KIF20B: variants seen among roughly 807,000 people sequenced by gnomAD.
The protein encoded by KIF20B is kinesin family member 20B, also known as kinesin-like protein KIF20B.
In KIF20B, 188 loss-of-function variants were observed where a neutral mutation model predicts 232.5. The ratio of observed to expected loss-of-function variants is 0.81; its 90% CI spans 0.72 to 0.91. The LOEUF is 0.91. Among genes scored for constraint, KIF20B ranks in the 40% least tolerant of loss-of-function variants. The pLI, the probability that KIF20B is intolerant of heterozygous loss-of-function variation, is 0.00. For synonymous variants in KIF20B, 712 were observed against 683.0 expected, an observed-to-expected ratio of 1.04 and a Z score of -0.66; for missense variants, 2,154 against 2,055.9, an observed-to-expected ratio of 1.05 and a Z score of -0.92.
At chr10:89,768,535 A>G (rs1842407646) in intron 30 of KIF20B, 144 bp downstream of exon 30, 2 of 713,642 alleles carry the variant, frequency 2.8e-6, no homozygotes, top group African/African-American at 3.6e-5. Flanking sequence ...CATCTACTTT[A>G]TGTGTTTACT....
chr10:89,745,938 C>G lies in KIF20B; in HGVS notation c.4075C>G (p.Gln1359Glu). The G allele has an allele frequency of 1.2e-6, 2 of 1,610,986 alleles. No individual in the cohort carries two copies. Among genetic ancestry groups the G allele is most frequent in the Non-Finnish European group, 1.7e-6 (2 of 1,177,178 alleles). ...TCAGAAAGTGGAAGAAGCTATACAA[C>G]AGTATGAGAGAGCATGCAAAGGTCA... Reference protein sequence around the residue: ...NNQKVEEAIQQYERACKDLNV... With the variant: ...NNQKVEEAIQEYERACKDLNV... The change falls in exon 23 of 33, where the codon CAG becomes GAG. Residue 1359 changes from glutamine (Q) to glutamate (E), a missense_variant. Gln to Glu is a conservative substitution (Grantham distance 29). Transcript: ENST00000371728.
At chr10:89,738,751 T>C (rs1347470458) in intron 20 of KIF20B, 134 bp downstream of exon 20, 16 of 1,237,330 alleles carry the variant, frequency 1.3e-5, no homozygotes, top group South Asian at 3.4e-5. Context: ...ACTTGAACTT[T>C]GTCCATATAA....
At chr10:89,741,630 C>T (rs963538629) in intron 21 of KIF20B, among the ~76,000 whole-genome samples, 3 of 152,100 alleles carry the variant, frequency 2.0e-5, no homozygotes, top group Non-Finnish European at 1.5e-5. Flanking sequence ...GATAAGAAAA[C>T]AGACATTGAG....
chr10:89,755,456 TCCCTC>T (rs1225540396), intron 26 of KIF20B, among the ~76,000 whole-genome samples: 10 of 101,718 alleles, frequency 9.8e-5, no homozygotes, highest in Admixed American at 2.5e-4. Context: ...CCCCTTTCCT[TCCCTC>T]CCCTCCCCTC....
Position 89,717,471 on chromosome 10 carries a change from T to C in KIF20B, c.1100T>C (p.Met367Thr). Reference protein sequence around the residue: ...VKILQIEDSEMSRVIRVSELS... With the variant: ...VKILQIEDSETSRVIRVSELS... ...ATATTACAGATTGAAGATTCTGAAA[T>C]GTCTCGTGTAATTCGAGTCAGTGAG... Residue 367 changes from methionine to threonine, a missense_variant, in exon 10 of 33, where the codon ATG becomes ACG. Met to Thr is a moderately conservative substitution (Grantham distance 81, BLOSUM62 -1). Coordinates refer to ENST00000371728, the MANE Select transcript of KIF20B (RefSeq NM_001284259.2). 1.3e-6 allele frequency: 2 copies of C among 1,598,524 alleles called. No individual in the cohort carries two copies. Among genetic ancestry groups the C allele is most frequent in the Middle Eastern group, 3.7e-4 (2 of 5,334 alleles).
intron 2 of KIF20B, among the ~76,000 whole-genome samples, chr10:89,707,496 T>G (rs1214085243): frequency 2.0e-5 from 3 of 148,096 alleles, no homozygotes; most frequent in Non-Finnish European, 4.4e-5. Flanking sequence ...TCATTTCCTT[T>G]TTTTCTTTCC....
Position 89,752,674 on chromosome 10 carries a change from C to T in KIF20B, c.4330C>T (p.Leu1444Phe). Residue 1444 changes from leucine (L) to phenylalanine (F), a missense_variant, in exon 25 of 33, where the codon CTT becomes TTT. By Grantham distance (22) the Leu-to-Phe change is conservative (BLOSUM62 0). Transcript: ENST00000371728. ...NTDVLGKLTN[L>F]QDELQESEQK... is the part of the protein sequence containing the mutation. ...AGATGTGCTTGGAAAGCTCACTAAT[C>T]TTCAAGATGAGTTACAGGTATGACT... 1 of 1,576,198 alleles carries T rather than the reference C, an allele frequency of 6.3e-7. No individual in the cohort carries two copies. Among genetic ancestry groups the T allele is most frequent in the Middle Eastern group, 1.7e-4 (1 of 5,928 alleles).
intron 21 of KIF20B, among the ~76,000 whole-genome samples, chr10:89,739,918 C>G (rs1327808171): frequency 1.3e-5 from 2 of 152,132 alleles, no homozygotes; most frequent in Admixed American, 1.3e-4. Flanking sequence ...ATTTTCACCT[C>G]TGTATAGTAT....
intron 19 of KIF20B, among the ~76,000 whole-genome samples, chr10:89,734,989 A>C (rs1049986603): frequency 6.6e-6 from 1 of 152,208 alleles, no homozygotes; most frequent in Non-Finnish European, 1.5e-5. Context: ...CCAAATCACT[A>C]TCTTTGGTAT....
chr10:89,773,628 C>G (rs533311827), intron 32 of KIF20B, among the ~76,000 whole-genome samples: 25 of 151,920 alleles, frequency 1.6e-4, no homozygotes, highest in Non-Finnish European at 3.5e-4. Context: ...TTTCTACTTT[C>G]TAAGTTATAC....
chr10:89,724,412 A>T lies in KIF20B; in HGVS notation c.1862+309A>T, dbSNP rs551230293. Among the ~76,000 whole-genome samples, 300 of 152,216 alleles carry T rather than the reference A, an allele frequency of 2.0e-3. 1 individual carries two copies. Among genetic ancestry groups the T allele is most frequent in the Middle Eastern group, 0.017 (5 of 292 alleles). On this transcript the variant is annotated intron_variant, in intron 14 of 32. Transcript: ENST00000371728. ...CGTACTGGCATGTTCCTGAAGTCCC[A>T]GCTGCTTTCAGGAGGCTGAGGCACG...
At position 89,751,440 on chromosome 10, in the gene KIF20B, TA is replaced by T; in HGVS notation, c.4194del (p.Lys1398AsnfsTer2). ...TAGAACAGGATCAAGTGCTTGAGGC[TA>T]AATTAGAGGAAGTTGAAAGGCTGGC... Reference protein sequence around the residue: ...QVEQDQVLEAKLEEVERLATE... With the variant: ...QVEQDQVLEAXLEEVERLATE... On this transcript the variant is annotated frameshift_variant, in exon 24 of 33. Transcript: ENST00000371728. LOFTEE classifies it high-confidence loss of function. 6.2e-7 allele frequency: 1 copy of T among 1,609,030 alleles called. No homozygotes were observed. The highest frequency in any genetic ancestry group is 8.5e-7 in the Non-Finnish European group (1 of 1,177,908).
At chr10:89,748,548 T>G (rs1841963068) in intron 23 of KIF20B, among the ~76,000 whole-genome samples, 1 of 152,214 alleles carries the variant, frequency 6.6e-6, no homozygotes, top group Non-Finnish European at 1.5e-5. Context: ...TATACATTGG[T>G]GGGGTTAACT....
intron 22 of KIF20B, among the ~76,000 whole-genome samples, chr10:89,745,570 T>G (rs1282357827): frequency 1.4e-5 from 1 of 73,888 alleles, no homozygotes; most frequent in Non-Finnish European, 2.5e-5. Context: ...TATAAAGTGT[T>G]TTTTTTTAAT....
chr10:89,740,473 C>T (rs1048631530), intron 21 of KIF20B, among the ~76,000 whole-genome samples: 1 of 152,052 alleles, frequency 6.6e-6, no homozygotes, highest in East Asian at 1.9e-4. Flanking sequence ...CAATAGTTCT[C>T]ATGACTCAAT....
intron 31 of KIF20B, among the ~76,000 whole-genome samples, chr10:89,772,269 C>T (rs2133183640): frequency 6.6e-6 from 1 of 152,130 alleles, no homozygotes; most frequent in East Asian, 1.9e-4. Context: ...AAAGTATTTT[C>T]ATGCAGCATT....
At chr10:89,728,184 G>A (rs905115729) in intron 17 of KIF20B, among the ~76,000 whole-genome samples, 1 of 152,064 alleles carries the variant, frequency 6.6e-6, no homozygotes, top group Non-Finnish European at 1.5e-5. Flanking sequence ...GAACAAAAAT[G>A]TACTTAGAAG....
chr10:89,741,395 T>G (rs1841790859), intron 21 of KIF20B, among the ~76,000 whole-genome samples: 1 of 152,236 alleles, frequency 6.6e-6, no homozygotes, highest in African/African-American at 2.4e-5. Flanking sequence ...TCAGTATTTG[T>G]CTGTGGCCAG....
At chr10:89,751,592 G>C in intron 24 of KIF20B, 121 bp downstream of exon 24, 1 of 957,112 alleles carries the variant, frequency 1.0e-6, no homozygotes, top group Non-Finnish European at 1.5e-6. Context: ...AAAAGTATTT[G>C]GTGTTTTTTG....
Sources: gnomAD v4.1 joint callset for allele counts (sites outside exome capture counted in the v4.1 genomes callset) on GRCh38, gnomAD v4.1.1 for gene constraint, MANE v1.5 for transcripts, NCBI Gene and HGNC (gene_info 2026-07-23, HGNC 2026-07-21) for gene names.